Variants in ERCC6 observed in about 807,000 individuals in gnomAD.
ERCC6 encodes ERCC excision repair 6, chromatin remodeling factor, also known as DNA excision repair protein ERCC-6.
Under a neutral mutation model 158.7 loss-of-function variants are expected in ERCC6, and 116 were observed. The ratio of observed to expected loss-of-function variants is 0.73; its 90% CI spans 0.63 to 0.85. The LOEUF (loss-of-function observed/expected upper bound fraction) is 0.85. ERCC6 is among the 40% of genes least tolerant of loss of function. The pLI, the probability that ERCC6 is intolerant of heterozygous loss-of-function variation, is 0.00. For missense variants in ERCC6, 1,698 were observed against 1,799.4 expected (o/e 0.94, Z 1.02); for synonymous variants, 678 against 659.3 (o/e 1.03, Z -0.43).
chr10:49,442,695 G>A, the ERCC6 span, among the ~76,000 whole-genome samples: 13 of 152,182 alleles, frequency 8.5e-5, no homozygotes, highest in Non-Finnish European at 1.2e-4. Flanking sequence ...GCTGGGGGCA[G>A]GTGGCCATGG....
chr10:49,446,237 ACACACACACACACACACACACC>A, the ERCC6 span, among the ~76,000 whole-genome samples: 1 of 129,060 alleles, frequency 7.7e-6, no homozygotes, highest in African/African-American at 3.0e-5. Flanking sequence ...TCACACACAC[ACACACACACACACACACACACC>A]CCCCAATTTA....
At chr10:49,534,993 C>T (rs188527662) in intron 1 of ERCC6, among the ~76,000 whole-genome samples, 115 of 152,276 alleles carry the variant, frequency 7.6e-4, no homozygotes, top group African/African-American at 2.3e-3. Flanking sequence ...AGAGGTCACA[C>T]GAGCATCGAG....
At chr10:49,489,351 A>C (rs987419257) in intron 8 of ERCC6, among the ~76,000 whole-genome samples, 1 of 152,230 alleles carries the variant, frequency 6.6e-6, no homozygotes, top group African/African-American at 2.4e-5. Context: ...AATGTTACCT[A>C]TTAGGGACCA....
chr10:49,441,967 G>A, the ERCC6 span, among the ~76,000 whole-genome samples: 1 of 152,160 alleles, frequency 6.6e-6, no homozygotes, highest in Non-Finnish European at 1.5e-5. Flanking sequence ...TCCCGGGAGC[G>A]GCAGAAACGA....
intron 7 of ERCC6, among the ~76,000 whole-genome samples, chr10:49,498,504 G>C (rs1016092727): frequency 6.6e-6 from 1 of 152,262 alleles, no homozygotes; most frequent in East Asian, 1.9e-4. Flanking sequence ...GAGCGGGGGG[G>C]ACCACACTCC....
At chr10:49,501,821 G>C (rs1039081039) in intron 6 of ERCC6, 1 of 152,052 alleles carries the variant, frequency 6.6e-6, no homozygotes, top group African/African-American at 2.4e-5. Context: ...TTAGCCAGGA[G>C]TGGTGGCACG....
At chr10:49,537,712 T>G (rs1590501214) in intron 1 of ERCC6, among the ~76,000 whole-genome samples, 1 of 151,966 alleles carries the variant, frequency 6.6e-6, no homozygotes, top group Non-Finnish European at 1.5e-5. Flanking sequence ...GGAAACAACG[T>G]GTGAAATTTT....
intron 11 of ERCC6, among the ~76,000 whole-genome samples, chr10:49,477,897 C>T (rs1027332420): frequency 6.6e-6 from 1 of 152,212 alleles, no homozygotes; most frequent in East Asian, 1.9e-4. Context: ...CCTCAGCATT[C>T]CCAGCTTATC....
At chr10:49,446,125 G>C in the ERCC6 span, among the ~76,000 whole-genome samples, 2 of 151,976 alleles carry the variant, frequency 1.3e-5, no homozygotes, top group African/African-American at 2.4e-5. Context: ...GAAAAAATTG[G>C]TCCCAGGCTG....
chr10:49,491,718 C>T (rs981745657), intron 8 of ERCC6, among the ~76,000 whole-genome samples: 1 of 152,106 alleles, frequency 6.6e-6, no homozygotes, highest in African/African-American at 2.4e-5. Context: ...GTGAAGGTGT[C>T]CAATACACAC....
Position 49,457,375 on chromosome 10 carries a change from A to G in ERCC6, c.*1440T>C, listed in dbSNP as rs865896141. The G allele has an allele frequency of 1.3e-5, 2 of 152,322 alleles. No individual in the cohort carries two copies. Among genetic ancestry groups the G allele is most frequent in the Admixed American group, 6.5e-5 (1 of 15,304 alleles). 9.4% of individuals were successfully genotyped at this position (152,322 alleles called of 1,614,324 possible). On this transcript the variant is annotated 3_prime_UTR_variant, in exon 21 of 21. Coordinates refer to ENST00000355832, the MANE Select transcript of ERCC6 (RefSeq NM_000124.4). ...GCTATAATCCAAAAAAAACTAGAAA[A>G]TCCTGACAGGAATCATATAGAACAT...
At chr10:49,503,334 G>A (rs189930147) in intron 6 of ERCC6, 3 of 151,900 alleles carry the variant, frequency 2.0e-5, no homozygotes, top group African/African-American at 4.8e-5. Context: ...TCTAATCTTC[G>A]ACGGCTTTCA....
intron 5 of ERCC6, among the ~76,000 whole-genome samples, chr10:49,508,717 A>G (rs1384515695): frequency 6.6e-6 from 1 of 152,160 alleles, no homozygotes; most frequent in African/African-American, 2.4e-5. Flanking sequence ...TCTGTTACAT[A>G]AGCAATACTT....
chr10:49,524,757 C>G lies in ERCC6; in HGVS notation c.673G>C (p.Gly225Arg). 1.2e-6 allele frequency: 2 copies of G among 1,603,070 alleles called. No individual in the cohort carries two copies. Among genetic ancestry groups the G allele is most frequent in the Non-Finnish European group, 8.5e-7 (1 of 1,179,980 alleles). The part of the protein sequence containing the change: ...EDAEPGPSSL[G>R]SMLMPVQETA... ...TCCTGGACAGGCATGAGCATGCTGC[C>G]AAGACTGGATGGCCCCGGCTCTGAA... Residue 225 changes from glycine (G) to arginine (R), a missense_variant, in exon 5 of 21, where the codon GGC becomes CGC. By Grantham distance (125) the Gly-to-Arg change is moderately radical. Coordinates refer to ENST00000355832, the MANE Select transcript of ERCC6 (RefSeq NM_000124.4).
At chr10:49,434,934 TTGTATACTGATGAAAATTATC>T in the ERCC6 span, among the ~76,000 whole-genome samples, 2 of 152,250 alleles carry the variant, frequency 1.3e-5, no homozygotes, top group Non-Finnish European at 2.9e-5. Context: ...TTGACTATGT[TTGTATACTGATGAAAATTATC>T]TGTATACTGA....
chr10:49,507,449 T>C (rs949526650), intron 5 of ERCC6, among the ~76,000 whole-genome samples: 1 of 152,190 alleles, frequency 6.6e-6, no homozygotes, highest in African/African-American at 2.4e-5. Context: ...ATACTTTTTA[T>C]AAAAAAATTT....
intron 4 of ERCC6, chr10:49,525,172 C>G: frequency 4.3e-6 from 1 of 231,910 alleles, no homozygotes; most frequent in Non-Finnish European, 8.6e-6. Context: ...AACCAACATT[C>G]AGATGGACTT....
At chr10:49,535,808 T>C (rs541094201) in intron 1 of ERCC6, among the ~76,000 whole-genome samples, 2 of 152,062 alleles carry the variant, frequency 1.3e-5, no homozygotes, top group South Asian at 4.2e-4. Flanking sequence ...TGGATACCAA[T>C]GGGTCACCAT....
At chr10:49,441,091 T>C in the ERCC6 span, among the ~76,000 whole-genome samples, 1 of 152,252 alleles carries the variant, frequency 6.6e-6, no homozygotes, top group African/African-American at 2.4e-5. Context: ...AAGAAATCAC[T>C]ATAACCATCA....
Sources: allele counts gnomAD v4.1 joint callset (sites outside exome capture counted in the v4.1 genomes callset), GRCh38; gene constraint gnomAD v4.1.1; transcripts MANE v1.5; gene names NCBI Gene and HGNC (gene_info 2026-07-23, HGNC 2026-07-21).